Variants in GREB1 observed in about 807,000 individuals in gnomAD.
GREB1 encodes growth regulating estrogen receptor binding 1.
In GREB1, 106 loss-of-function variants were observed where a neutral mutation model predicts 200.7. The ratio of observed to expected loss-of-function variants is 0.53; its 90% CI spans 0.45 to 0.62. The LOEUF is 0.62. Among genes scored for constraint, GREB1 ranks in the 20% least tolerant of loss-of-function variants. The pLI is 0.00. For synonymous variants in GREB1, 1,132 were observed against 1,092.4 expected, an observed-to-expected ratio of 1.04 and a Z score of -0.72; for missense variants, 2,243 against 2,556.8, an observed-to-expected ratio of 0.88 and a Z score of 2.65.
chr2:11,567,283 T>C (rs111423685), intron 4 of GREB1, among the ~76,000 whole-genome samples: 22,718 of 152,038 alleles, frequency 0.15, 3,560 homozygotes, highest in African/African-American at 0.39. Context: ...CACCACCACA[T>C]CCGGCTAATT....
In GREB1 at chr2:11,598,858, G is replaced by A. The variant is rs758206962; in HGVS notation, c.2331G>A (p.Val777=). The change falls in exon 15 of 33, where the codon GTG becomes GTA. Residue 777 remains valine, a splice_region_variant and synonymous_variant. Coordinates refer to ENST00000381486, the MANE Select transcript of GREB1 (RefSeq NM_014668.4). ...ATGACCATGCGCACTGGGATCTTGT[G>A]AGGTTAGATTGACTTGATATATGAC... ...LIHDHAHWDL[V]SSTVHNLYSQ... is the part of the protein sequence containing the mutation. 5.0e-6 allele frequency: 8 copies of A among 1,612,766 alleles called. No individual in the cohort carries two copies. In the South Asian group the frequency reaches 8.8e-5, roughly 18 times the overall value.
intron 1 of GREB1, chr2:11,539,985 C>G (rs1340542185): frequency 2.0e-5 from 3 of 152,434 alleles, no homozygotes; most frequent in Non-Finnish European, 4.4e-5. Flanking sequence ...CTCTTCCATC[C>G]CCAGGCACAG....
rs1434648576 is a variant in GREB1, at chr2:11,625,154, A to T, written c.4148A>T (p.Asn1383Ile). ...DVYDEEEINI[N>I]LREESDWHYL... ...ATCTATGTTTCTACCAATCTTGTAG[A>T]CCTCAGAGAAGAATCTGACTGGCAT... Residue 1383 changes from asparagine to isoleucine, a missense_variant and splice_region_variant, in exon 24 of 33, where the codon AAC (asparagine) becomes ATC (isoleucine). Asn to Ile is a moderately radical substitution (Grantham distance 149, BLOSUM62 -3). Transcript: ENST00000381486. 2.5e-6 allele frequency: 4 copies of T among 1,611,526 alleles called. No homozygotes were observed. The highest frequency in any genetic ancestry group is 8.5e-7 in the Non-Finnish European group (1 of 1,178,024).
At chr2:11,551,282 G>A (rs576213238) in intron 1 of GREB1, among the ~76,000 whole-genome samples, 3 of 152,274 alleles carry the variant, frequency 2.0e-5, no homozygotes, top group South Asian at 4.2e-4. Flanking sequence ...AAGCCCACCA[G>A]GCAACCAGTT....
intron 20 of GREB1, among the ~76,000 whole-genome samples, chr2:11,615,591 G>T (rs2148334649): frequency 6.6e-6 from 1 of 152,308 alleles, no homozygotes. Flanking sequence ...GAAAAATTAA[G>T]ATTTCTTAGA....
Position 11,638,777 on chromosome 2 carries a change from C to G in GREB1, c.5654C>G (p.Ala1885Gly). Residue 1885 changes from alanine (A) to glycine (G), a missense_variant, in exon 32 of 33, where the codon GCT becomes GGT. Around this residue, in one of 3 missense-constraint regions of GREB1, gnomAD observed 478 missense variants for 616.3 expected, o/e 0.78. Transcript: ENST00000381486. ...TACCTCTGTGACTCTTTTGTGGGAG[C>G]TAGCTTTTTGAAAAAGTTTCATTTT... ...LLYLCDSFVGASFLKKFHFLK... is the reference protein window; with the variant it reads ...LLYLCDSFVGGSFLKKFHFLK... 2 of 1,614,106 alleles carry G rather than the reference C, an allele frequency of 1.2e-6. No individual in the cohort carries two copies. The highest frequency in any genetic ancestry group is 1.7e-6 in the Non-Finnish European group (2 of 1,180,012).
At chr2:11,506,150 G>A (rs1673178706) in intron 1 of GREB1, among the ~76,000 whole-genome samples, 1 of 152,140 alleles carries the variant, frequency 6.6e-6, no homozygotes, top group African/African-American at 2.4e-5. Context: ...CATGGTCCCC[G>A]TGCTCACGGG....
At chr2:11,624,526 G>T (rs1684277903) in intron 23 of GREB1, among the ~76,000 whole-genome samples, 1 of 151,360 alleles carries the variant, frequency 6.6e-6, no homozygotes, top group African/African-American at 2.4e-5. Flanking sequence ...TGTATTTTTA[G>T]TAGATACGGG....
rs1024911228 is a variant in GREB1 at position 11,600,856 on chromosome 2, G to A, written c.2390G>A (p.Arg797Gln). 2.5e-6 allele frequency: 4 copies of A among 1,614,086 alleles called. No individual in the cohort carries two copies. The highest frequency in any genetic ancestry group is 4.5e-5 in the East Asian group (2 of 44,872). ...QSDPSVGLVD[R>Q]LLNCREVKEA... The stretch of plus-strand genomic sequence containing the variant: ...GACCCGTCGGTGGGATTGGTGGACC[G>A]ATTGCTCAACTGCAGGGAGGTGAAG... The change falls in exon 16 of 33, where the codon CGA becomes CAA. Residue 797 changes from arginine to glutamine, a missense_variant. Arg to Gln is a conservative substitution (Grantham distance 43). Coordinates refer to ENST00000381486, the MANE Select transcript of GREB1 (RefSeq NM_014668.4).
At chr2:11,599,718 C>T (rs1356164308) in intron 15 of GREB1, among the ~76,000 whole-genome samples, 1 of 152,078 alleles carries the variant, frequency 6.6e-6, no homozygotes, top group Non-Finnish European at 1.5e-5. Context: ...GACAGGGTTT[C>T]ACCGTGTTAG....
chr2:11,608,774 C>G (rs1230055454), intron 17 of GREB1, among the ~76,000 whole-genome samples: 2 of 152,216 alleles, frequency 1.3e-5, no homozygotes, highest in Non-Finnish European at 2.9e-5. Context: ...TCGTTTGCAA[C>G]CAAAGGATTC....
intron 1 of GREB1, among the ~76,000 whole-genome samples, chr2:11,521,150 C>T (rs920854699): frequency 3.3e-5 from 5 of 152,180 alleles, no homozygotes; most frequent in African/African-American, 9.6e-5. Context: ...CTCTGTTGCC[C>T]AGGCTGGAGT....
intron 9 of GREB1, among the ~76,000 whole-genome samples, chr2:11,586,259 A>G (rs1680079578): frequency 6.6e-6 from 1 of 152,240 alleles, no homozygotes; most frequent in Admixed American, 6.5e-5. Context: ...AGATTAGGAA[A>G]AAACAAATCA....
intron 1 of GREB1, among the ~76,000 whole-genome samples, chr2:11,503,185 G>C (rs1180398009): frequency 6.6e-6 from 1 of 152,176 alleles, no homozygotes; most frequent in African/African-American, 2.4e-5. Flanking sequence ...CTGATGAGGG[G>C]AAGTCCCCTT....
At chr2:11,485,656 G>A (rs919042723) in intron 1 of GREB1, among the ~76,000 whole-genome samples, 2 of 152,082 alleles carry the variant, frequency 1.3e-5, no homozygotes, top group Admixed American at 1.3e-4. Flanking sequence ...CTTTCTGAAA[G>A]GTTTCTATGC....
chr2:11,612,509 T>C lies in GREB1; in HGVS notation c.3021T>C (p.Ile1007=), dbSNP rs2304399. 0.99 allele frequency: 1,600,881 copies of C among 1,610,180 alleles called. 795,908 individuals are homozygous for C. Among genetic ancestry groups the C allele is most frequent in the Non-Finnish European group, 1 (1,174,783 of 1,176,920 alleles). The change falls in exon 19 of 33, where the codon ATT becomes ATC. Residue 1007 remains isoleucine, a synonymous_variant. Coordinates refer to ENST00000381486, the MANE Select transcript of GREB1 (RefSeq NM_014668.4). ...FVKQLRMWQK[I]EDVEWRPQTY... is the part of the protein sequence containing the mutation. ...GTTATCTGCAGATGTGGCAGAAAAT[T>C]GAGGATGTGGAGTGGAGACCCCAGA...
In GREB1 at chr2:11,626,983, C is replaced by T. The variant is rs201392710; in HGVS notation, c.4328C>T (p.Pro1443Leu). The T allele has an allele frequency of 6.5e-5, 105 of 1,614,008 alleles. No individual in the cohort carries two copies. Among genetic ancestry groups the T allele is most frequent in the Middle Eastern group, 4.9e-4 (3 of 6,084 alleles). ...KSEDRGMSRKPEDLYVRRQTA... is the reference protein window; with the variant it reads ...KSEDRGMSRKLEDLYVRRQTA... ...GCAGACAGAGGGATGTCCCGGAAGC[C>T]GGAGGACCTTTATGTGCGGCGTCAG... The change falls in exon 25 of 33, where the codon CCG (proline) becomes CTG (leucine). Residue 1443 changes from proline to leucine, a missense_variant. Physicochemically the swap from Pro to Leu is moderately conservative, Grantham distance 98. Coordinates refer to ENST00000381486, the MANE Select transcript of GREB1 (RefSeq NM_014668.4).
rs1479317236 is a variant in GREB1 at position 11,640,295 on chromosome 2, G to A, written c.5691G>A (p.Ala1897=). 3 of 1,609,864 alleles carry A rather than the reference G, an allele frequency of 1.9e-6. No homozygotes were observed. The highest frequency in any genetic ancestry group is 2.5e-6 in the Non-Finnish European group (3 of 1,177,530). Residue 1897 remains alanine, a synonymous_variant, in exon 33 of 33, where the codon GCG becomes GCA. Transcript: ENST00000381486. The surrounding 1 kb of genome is among the most constrained non-coding windows in gnomAD (Gnocchi z 4.6). ...FLKKFHFLKG[A]TLCVICQDRS... ...CCTCTGCCGTTGTCCACGCAGGTGCGACGTTGTGTGTCATCTGTCAGGACC... is the reference window on the plus strand; with the variant it reads ...CCTCTGCCGTTGTCCACGCAGGTGCAACGTTGTGTGTCATCTGTCAGGACC...
chr2:11,601,826 C>G (rs1681810821), intron 16 of GREB1, among the ~76,000 whole-genome samples: 1 of 152,248 alleles, frequency 6.6e-6, no homozygotes, highest in Non-Finnish European at 1.5e-5. Context: ...AGTTGGGCCA[C>G]TTGGCTCAGG....
Sources: gnomAD v4.1 joint callset for allele counts (sites outside exome capture counted in the v4.1 genomes callset) on GRCh38, gnomAD v4.1.1 for gene constraint, gnomAD v4.1.1 regional missense constraint, Gnocchi (gnomAD v3.1) non-coding constraint, MANE v1.5 for transcripts, NCBI Gene and HGNC (gene_info 2026-07-23, HGNC 2026-07-21) for gene names.